PPFIA2: variants seen among roughly 807,000 people sequenced by gnomAD.
The protein encoded by PPFIA2 is liprin-alpha-2.
A neutral mutation model predicts 175.5 loss-of-function variants in PPFIA2; 46 were observed. The ratio of observed to expected loss-of-function variants is 0.26; its 90% CI spans 0.21 to 0.34. The LOEUF is 0.34. Among genes scored for constraint, PPFIA2 ranks in the 10% least tolerant of loss-of-function variants. The probability of loss-of-function intolerance (pLI) is 1.00; values close to 1 mark genes in which losing one functional copy is unlikely to be tolerated. For missense variants in PPFIA2, 1,179 were observed against 1,506.1 expected, an observed-to-expected ratio of 0.78 and a Z score of 3.60; for synonymous variants, 568 against 511.4, an observed-to-expected ratio of 1.11 and a Z score of -1.49.
chr12:81,731,455 T>C (rs975353933), intron 3 of PPFIA2, among the ~76,000 whole-genome samples: 1 of 151,702 alleles, frequency 6.6e-6, no homozygotes, highest in South Asian at 2.1e-4. Flanking sequence ...TGGGTTAAGG[T>C]AACTTGAAAC....
chr12:81,383,791 A>G (rs982232864), intron 9 of PPFIA2, among the ~76,000 whole-genome samples: 1 of 152,172 alleles, frequency 6.6e-6, no homozygotes, highest in Non-Finnish European at 1.5e-5. Context: ...TGTCTTTGTT[A>G]TATCTGACCC....
intron 14 of PPFIA2, among the ~76,000 whole-genome samples, chr12:81,366,809 A>G (rs962926860): frequency 2.0e-5 from 3 of 151,734 alleles, no homozygotes; most frequent in Admixed American, 6.6e-5. Context: ...GCAAGGCAAA[A>G]CCATTTTTTA....
intron 4 of PPFIA2, among the ~76,000 whole-genome samples, chr12:81,628,254 A>G (rs1162925849): frequency 2.0e-5 from 3 of 152,152 alleles, no homozygotes; most frequent in Admixed American, 2.0e-4. Flanking sequence ...ACATGAATAC[A>G]ATCAGGCATT....
At chr12:81,383,961 G>A (rs1230799711) in intron 9 of PPFIA2, 62 bp downstream of exon 9, 9 of 1,329,132 alleles carry the variant, frequency 6.8e-6, no homozygotes, top group East Asian at 2.3e-5. Flanking sequence ...GGAAATTATG[G>A]AAACAGTATC....
At chr12:81,320,477 C>T (rs1371531282) in intron 22 of PPFIA2, among the ~76,000 whole-genome samples, 2 of 151,970 alleles carry the variant, frequency 1.3e-5, no homozygotes, top group East Asian at 1.9e-4. Flanking sequence ...TTTCCTTTAG[C>T]AGTGTTAACC....
intron 4 of PPFIA2, among the ~76,000 whole-genome samples, chr12:81,489,369 G>T (rs1405280539): frequency 6.6e-6 from 1 of 151,732 alleles, no homozygotes; most frequent in Non-Finnish European, 1.5e-5. Context: ...AACTCAAGAT[G>T]CATTCCCTAT....
chr12:81,755,278 C>T (rs2084463810), intron 2 of PPFIA2, among the ~76,000 whole-genome samples: 1 of 152,122 alleles, frequency 6.6e-6, no homozygotes, highest in Non-Finnish European at 1.5e-5. Context: ...CTCATTTTCT[C>T]TTTCATCCTC....
chr12:81,726,211 T>C (rs1258557961), intron 3 of PPFIA2, among the ~76,000 whole-genome samples: 1 of 151,266 alleles, frequency 6.6e-6, no homozygotes, highest in African/African-American at 2.4e-5. Context: ...CCTCTAAAAC[T>C]ACTCGAAGAC....
intron 26 of PPFIA2, 112 bp from the exon 27 acceptor site, chr12:81,281,562 A>G: frequency 1.5e-6 from 1 of 669,870 alleles, no homozygotes; most frequent in Non-Finnish European, 2.3e-6. Flanking sequence ...TGTGGAAACA[A>G]AGCAAAAATA....
At chr12:81,463,575 G>C (rs1389309024) in intron 4 of PPFIA2, among the ~76,000 whole-genome samples, 1 of 152,086 alleles carries the variant, frequency 6.6e-6, no homozygotes, top group Admixed American at 6.6e-5. Flanking sequence ...CCCTCAGCAC[G>C]AAGGGAGGGG....
intron 3 of PPFIA2, among the ~76,000 whole-genome samples, chr12:81,690,582 C>T (rs2153586826): frequency 6.6e-6 from 1 of 152,164 alleles, no homozygotes; most frequent in East Asian, 1.9e-4. Flanking sequence ...AAGTGCTTGA[C>T]CTAAGAGGAC....
At chr12:81,541,293 C>G (rs2066173094) in intron 4 of PPFIA2, among the ~76,000 whole-genome samples, 1 of 151,894 alleles carries the variant, frequency 6.6e-6, no homozygotes, top group African/African-American at 2.4e-5. Context: ...CAAATGAATT[C>G]AGCTGTGGGA....
chr12:81,313,718 C>T (rs1450418334), intron 22 of PPFIA2, among the ~76,000 whole-genome samples: 3 of 152,052 alleles, frequency 2.0e-5, no homozygotes, highest in South Asian at 4.1e-4. Context: ...AATTTCTGAG[C>T]TTTCCAGGAA....
At chr12:81,632,249 T>C (rs1032949158) in intron 4 of PPFIA2, among the ~76,000 whole-genome samples, 1 of 152,176 alleles carries the variant, frequency 6.6e-6, no homozygotes. Flanking sequence ...GTTGTATTTT[T>C]TTTATTATAG....
intron 4 of PPFIA2, among the ~76,000 whole-genome samples, chr12:81,539,734 A>T (rs1594705230): frequency 6.6e-6 from 1 of 151,912 alleles, no homozygotes; most frequent in East Asian, 1.9e-4. Context: ...TTGAGGAATA[A>T]CTCAACTAGA....
chr12:81,376,938 C>T (rs1208503605), intron 9 of PPFIA2, among the ~76,000 whole-genome samples: 1 of 152,040 alleles, frequency 6.6e-6, no homozygotes, highest in Non-Finnish European at 1.5e-5. Context: ...AAACAGACAG[C>T]CTTTCTTCCA....
chr12:81,579,400 CA>C (rs2074073919), intron 4 of PPFIA2, among the ~76,000 whole-genome samples: 1 of 151,660 alleles, frequency 6.6e-6, no homozygotes, highest in Admixed American at 6.6e-5. Context: ...TCATTTTAAA[CA>C]GATTCTCAGT....
At chr12:81,673,728 T>C (rs2071891721) in intron 4 of PPFIA2, among the ~76,000 whole-genome samples, 1 of 152,056 alleles carries the variant, frequency 6.6e-6, no homozygotes, top group African/African-American at 2.4e-5. Context: ...GCATTTATTT[T>C]CTAAAATAAT....
chr12:81,385,929 T>C (rs914365127), intron 8 of PPFIA2, among the ~76,000 whole-genome samples: 3 of 152,072 alleles, frequency 2.0e-5, no homozygotes, highest in Non-Finnish European at 2.9e-5. Flanking sequence ...TGTATACATA[T>C]AGCAAAACAT....
Sources: gnomAD v4.1 joint callset for allele counts (sites outside exome capture counted in the v4.1 genomes callset) on GRCh38, gnomAD v4.1.1 for gene constraint, MANE v1.5 for transcripts, NCBI Gene and HGNC (gene_info 2026-07-23, HGNC 2026-07-21) for gene names.